The following VPS13B variants were observed in gnomAD, a reference collection of about 807,000 sequenced individuals.
VPS13B encodes the protein intermembrane lipid transfer protein VPS13B.
In VPS13B, 285 loss-of-function variants were observed where a neutral mutation model predicts 426.4. The observed-to-expected ratio is 0.67, with a 90% confidence interval of 0.61 to 0.74. The LOEUF (loss-of-function observed/expected upper bound fraction) is 0.74. Among genes scored for constraint, VPS13B ranks in the 30% least tolerant of loss-of-function variants. VPS13B has a pLI of 0.00. For synonymous variants in VPS13B, 1,676 were observed against 1,676.4 expected (o/e 1.00, Z 0.01); for missense variants, 4,537 against 4,782.6 (o/e 0.95, Z 1.51).
At chr8:99,690,870 C>T (rs972235883) in intron 35 of VPS13B, among the ~76,000 whole-genome samples, 7 of 152,088 alleles carry the variant, frequency 4.6e-5, no homozygotes, top group African/African-American at 7.2e-5. Flanking sequence ...TCCACTGCTA[C>T]GTACATATTT....
At chr8:99,188,697 A>C (rs1321671343) in intron 16 of VPS13B, among the ~76,000 whole-genome samples, 1 of 152,086 alleles carries the variant, frequency 6.6e-6, no homozygotes. Context: ...TGATGTTCCA[A>C]TTTCTACCTA....
chr8:99,433,972 A>G (rs1817246502), intron 22 of VPS13B, among the ~76,000 whole-genome samples: 1 of 151,916 alleles, frequency 6.6e-6, no homozygotes, highest in Non-Finnish European at 1.5e-5. Context: ...CGCCCAGCTA[A>G]TTATTTTGTA....
intron 31 of VPS13B, among the ~76,000 whole-genome samples, chr8:99,560,951 G>A (rs1824886195): frequency 6.6e-6 from 1 of 152,114 alleles, no homozygotes; most frequent in African/African-American, 2.4e-5. Flanking sequence ...CCTAGCCTTA[G>A]TTGTATCTCT....
At chr8:99,809,057 C>T (rs376211314) in intron 43 of VPS13B, among the ~76,000 whole-genome samples, 3 of 152,088 alleles carry the variant, frequency 2.0e-5, no homozygotes, top group Non-Finnish European at 2.9e-5. Flanking sequence ...TTTGATCTCA[C>T]GCTTCAACCT....
chr8:99,162,602 C>T (rs984845059), intron 15 of VPS13B, among the ~76,000 whole-genome samples: 1 of 151,782 alleles, frequency 6.6e-6, no homozygotes, highest in African/African-American at 2.4e-5. Context: ...AAGCTGCAGA[C>T]GTTTGCAGTG....
intron 35 of VPS13B, among the ~76,000 whole-genome samples, chr8:99,684,473 C>G (rs1831292210): frequency 1.3e-5 from 2 of 151,992 alleles, no homozygotes; most frequent in South Asian, 2.1e-4. Flanking sequence ...CTTGAACTCT[C>G]TCTATCTCCA....
Position 99,642,313 on chromosome 8 carries a change from T to C in VPS13B, c.5723T>C (p.Leu1908Pro), listed in dbSNP as rs558464976. The part of the protein sequence containing the change: ...ASTRSSARQA[L>P]GITIVRQPGR... ...ACAAGGTCATCTGCTAGACAAGCAC[T>C]TGGTATAACTATTGTTCGGCAGCCT... The change falls in exon 34 of 62, where the codon CTT becomes CCT. Residue 1908 changes from leucine to proline, a missense_variant. Coordinates refer to ENST00000357162, the MANE Select transcript of VPS13B (RefSeq NM_152564.5). The C allele has an allele frequency of 6.2e-7, 1 of 1,614,158 alleles. No individual in the cohort carries two copies. Among genetic ancestry groups the C allele is most frequent in the South Asian group, 1.1e-5 (1 of 91,078 alleles).
At position 99,699,740 on chromosome 8, in the gene VPS13B, G is replaced by A. The variant is rs1056435586; in HGVS notation, c.6262G>A (p.Asp2088Asn). Residue 2088 changes from aspartate (D) to asparagine (N), a missense_variant, in exon 36 of 62, where the codon GAT (aspartate) becomes AAT (asparagine). Transcript: ENST00000357162. ...GKLSKPKIHG[D>N]GVQKISAQEN... is the part of the protein sequence containing the mutation. The stretch of plus-strand genomic sequence containing the variant: ...GTTGTCTAAACCCAAAATTCATGGT[G>A]ATGGAGTGCAAAAGATTTCAGCTCA... The A allele has an allele frequency of 2.3e-5, 37 of 1,614,014 alleles. No individual in the cohort carries two copies. The Middle Eastern group carries it at 4.9e-4, about 22-fold the overall frequency.
chr8:99,360,134 C>CT (rs1211191830), intron 19 of VPS13B, among the ~76,000 whole-genome samples: 2 of 23,056 alleles, frequency 8.7e-5, no homozygotes, highest in Non-Finnish European at 1.6e-4. Flanking sequence ...TTCTTTCTTT[C>CT]TTTCTTTCTT....
At chr8:99,390,058 TATG>T (rs1346521949) in intron 20 of VPS13B, among the ~76,000 whole-genome samples, 1 of 152,150 alleles carries the variant, frequency 6.6e-6, no homozygotes, top group Non-Finnish European at 1.5e-5. Context: ...CACTCTATGT[TATG>T]ATGCTTTCGA....
At chr8:99,835,817 A>G in intron 54 of VPS13B, 79 bp downstream of exon 54, 1 of 1,424,736 alleles carries the variant, frequency 7.0e-7, no homozygotes, top group Non-Finnish European at 9.8e-7. Context: ...CTATTTTTAA[A>G]CATAATTTTC....
intron 3 of VPS13B, among the ~76,000 whole-genome samples, chr8:99,050,795 C>T (rs986252457): frequency 2.0e-5 from 3 of 152,204 alleles, no homozygotes; most frequent in African/African-American, 4.8e-5. Flanking sequence ...TGATGATGAG[C>T]AAGTTTTCAT....
chr8:99,635,515 T>TA (rs1183273745), intron 33 of VPS13B, among the ~76,000 whole-genome samples: 2 of 151,976 alleles, frequency 1.3e-5, no homozygotes, highest in African/African-American at 2.4e-5. Context: ...TAAGTTTTCT[T>TA]ACAAAGACAA....
At chr8:99,135,883 CA>C in intron 11 of VPS13B, 150 bp downstream of exon 11, 1 of 1,136,152 alleles carries the variant, frequency 8.8e-7, no homozygotes, top group Non-Finnish European at 1.2e-6. Flanking sequence ...ATACAGTATA[CA>C]TGTAGAAATG....
chr8:99,703,743 T>C (rs942377392), intron 36 of VPS13B, among the ~76,000 whole-genome samples: 2 of 152,148 alleles, frequency 1.3e-5, no homozygotes, highest in African/African-American at 4.8e-5. Context: ...GAACTTGCAG[T>C]GTAGCACTTT....
At chr8:99,697,798 CA>C (rs1832096127) in intron 35 of VPS13B, 1 of 616,330 alleles carries the variant, frequency 1.6e-6, no homozygotes, top group Non-Finnish European at 3.1e-6. Context: ...TGAAGCAAGT[CA>C]GGCACATTCC....
intron 36 of VPS13B, among the ~76,000 whole-genome samples, chr8:99,702,292 T>C (rs1832315919): frequency 6.6e-6 from 1 of 152,196 alleles, no homozygotes; most frequent in Non-Finnish European, 1.5e-5. Context: ...TTTTATAGTT[T>C]GAATCTAATA....
chr8:99,097,566 G>C (rs761177314), intron 4 of VPS13B, among the ~76,000 whole-genome samples: 1 of 152,114 alleles, frequency 6.6e-6, no homozygotes, highest in Non-Finnish European at 1.5e-5. Flanking sequence ...AAAGGAGGGA[G>C]TTGTCATGTC....
intron 24 of VPS13B, among the ~76,000 whole-genome samples, chr8:99,474,020 T>A (rs1367003738): frequency 6.6e-6 from 1 of 152,142 alleles, no homozygotes; most frequent in Non-Finnish European, 1.5e-5. Flanking sequence ...ATATATCTCC[T>A]CATAGTTTGG....
Sources: allele counts gnomAD v4.1 joint callset (sites outside exome capture counted in the v4.1 genomes callset), GRCh38; gene constraint gnomAD v4.1.1; transcripts MANE v1.5; gene names NCBI Gene and HGNC (gene_info 2026-07-23, HGNC 2026-07-21).